Variants in CRISPLD2 observed in about 807,000 individuals in gnomAD.
CRISPLD2 encodes cysteine-rich secretory protein LCCL domain-containing 2.
In CRISPLD2, 47 loss-of-function variants were observed where a neutral mutation model predicts 71.1. The observed-to-expected ratio is 0.66, with a 90% CI of 0.52 to 0.84. The LOEUF is 0.84. Ranked by LOEUF, CRISPLD2 falls within the 40% of genes least tolerant of loss-of-function variation. The pLI is 0.00. For synonymous variants in CRISPLD2, 317 were observed against 250.1 expected (o/e 1.27, Z -2.52); for missense variants, 830 against 651.1 (o/e 1.27, Z -2.99).
intron 1 of CRISPLD2, among the ~76,000 whole-genome samples, chr16:84,832,283 C>G (rs552612528): frequency 6.6e-6 from 1 of 152,368 alleles, no homozygotes; most frequent in South Asian, 2.1e-4. Context: ...CACCCACAGA[C>G]GTGAACTCAA....
chr16:84,878,822 C>T (rs1286443023), intron 12 of CRISPLD2, among the ~76,000 whole-genome samples: 1 of 152,252 alleles, frequency 6.6e-6, no homozygotes, highest in East Asian at 1.9e-4. Flanking sequence ...TCATATAATA[C>T]ATCTGTAATG....
chr16:84,870,035 A>C (rs1204092646), intron 8 of CRISPLD2, among the ~76,000 whole-genome samples: 3 of 152,224 alleles, frequency 2.0e-5, no homozygotes, highest in Admixed American at 6.5e-5. Flanking sequence ...CCAGTGTGCC[A>C]CTGTGGGAGC....
intron 11 of CRISPLD2, among the ~76,000 whole-genome samples, chr16:84,876,174 A>G (rs1005702702): frequency 6.6e-6 from 1 of 152,196 alleles, no homozygotes; most frequent in African/African-American, 2.4e-5. Context: ...AAGGACCACA[A>G]AGCCAAACAT....
chr16:84,848,452 C>T (rs1206529952), intron 3 of CRISPLD2, among the ~76,000 whole-genome samples: 1 of 126,644 alleles, frequency 7.9e-6, no homozygotes, highest in African/African-American at 2.7e-5. Context: ...GGTTTTCTCC[C>T]TAGTTATTAA....
At chr16:84,885,366 G>T (rs1053034183) in intron 13 of CRISPLD2, among the ~76,000 whole-genome samples, 3 of 152,216 alleles carry the variant, frequency 2.0e-5, no homozygotes, top group Non-Finnish European at 2.9e-5. Context: ...TTAGTCTTTA[G>T]CAGGGCACAA....
At chr16:84,828,134 C>T (rs1007024570) in intron 1 of CRISPLD2, 10 of 152,208 alleles carry the variant, frequency 6.6e-5, no homozygotes, top group African/African-American at 1.2e-4. Flanking sequence ...AGCCAGCTCT[C>T]GACTCATCTT....
rs374304231 is a variant in CRISPLD2 at position 84,854,844 on chromosome 16, C to A, written c.709+15C>A. ...GTGTTACCGAGGTAGGAAATTTACT[C>A]CCAACACTTTTGCAATGAATTTGCC... On this transcript the variant is annotated intron_variant, in intron 6 of 14. Coordinates refer to ENST00000262424, the MANE Select transcript of CRISPLD2 (RefSeq NM_031476.4). The A allele has an allele frequency of 6.3e-7, 1 of 1,592,894 alleles. No homozygotes were observed. The highest frequency in any genetic ancestry group is 2.2e-5 in the East Asian group (1 of 44,784).
intron 6 of CRISPLD2, among the ~76,000 whole-genome samples, chr16:84,858,859 C>T (rs763080240): frequency 5.9e-5 from 9 of 152,166 alleles, no homozygotes; most frequent in African/African-American, 9.7e-5. Context: ...TTAATTTGCT[C>T]AAGCAATGAA....
rs116262903 is a variant in CRISPLD2, at chr16:84,859,429, G to A, written c.709+4600G>A. Among the ~76,000 whole-genome samples, 1,067 of 152,214 alleles carry A rather than the reference G, an allele frequency of 7.0e-3. 10 individuals are homozygous for A. The highest frequency in any genetic ancestry group is 0.025 in the African/African-American group (1,018 of 41,520). On this transcript the variant is annotated intron_variant, in intron 6 of 14. Transcript: ENST00000262424. The stretch of plus-strand genomic sequence containing the variant: ...GATCATTTCCCTTTCCCCAGTGCAC[G>A]GTTTCCCTGGTACAAGGCCAGAGGT...
At chr16:84,885,212 C>T (rs2071601850) in intron 13 of CRISPLD2, among the ~76,000 whole-genome samples, 1 of 152,220 alleles carries the variant, frequency 6.6e-6, no homozygotes. Context: ...AAGGCTTCCG[C>T]CTGCCGGAAA....
At chr16:84,876,305 C>T (rs1035242317) in intron 11 of CRISPLD2, among the ~76,000 whole-genome samples, 1 of 151,014 alleles carries the variant, frequency 6.6e-6, no homozygotes, top group Admixed American at 6.6e-5. Context: ...AGTTTGAGAC[C>T]AGCCTGGCCA....
chr16:84,888,046 A>T (rs1287090431), intron 13 of CRISPLD2, among the ~76,000 whole-genome samples: 1 of 152,244 alleles, frequency 6.6e-6, no homozygotes, highest in Non-Finnish European at 1.5e-5. Context: ...GTGGTGGCTT[A>T]AAGAAACCCA....
intron 1 of CRISPLD2, among the ~76,000 whole-genome samples, chr16:84,832,171 C>T (rs1477602635): frequency 1.3e-5 from 2 of 152,232 alleles, no homozygotes; most frequent in Non-Finnish European, 2.9e-5. Flanking sequence ...TTTTTGGAGG[C>T]TCTGGCACAG....
intron 14 of CRISPLD2, among the ~76,000 whole-genome samples, chr16:84,892,471 T>C (rs1033843089): frequency 2.0e-5 from 3 of 152,132 alleles, no homozygotes; most frequent in Admixed American, 2.0e-4. Flanking sequence ...TTTCTGTTTC[T>C]TAGGGTTTCT....
chr16:84,846,909 C>A (rs1022275933), intron 3 of CRISPLD2, among the ~76,000 whole-genome samples: 2 of 152,214 alleles, frequency 1.3e-5, no homozygotes, highest in Non-Finnish European at 2.9e-5. Flanking sequence ...TGTATCCGTG[C>A]TCCCAAAGAA....
chr16:84,885,712 G>T (rs1419497482), intron 13 of CRISPLD2, among the ~76,000 whole-genome samples: 1 of 152,028 alleles, frequency 6.6e-6, no homozygotes, highest in Non-Finnish European at 1.5e-5. Context: ...CACTTTTCAG[G>T]TCTTTGATAT....
chr16:84,872,870 G>A (rs2071483351), intron 9 of CRISPLD2, 122 bp from the exon 10 acceptor site: 1 of 1,259,302 alleles, frequency 7.9e-7, no homozygotes, highest in Non-Finnish European at 1.1e-6. Context: ...CAGGAGCAGA[G>A]TGAGCTTTGG....
At chr16:84,868,300 G>A (rs1010336628) in intron 7 of CRISPLD2, among the ~76,000 whole-genome samples, 10 of 152,204 alleles carry the variant, frequency 6.6e-5, no homozygotes, top group Non-Finnish European at 1.3e-4. Context: ...CAACGTTTAT[G>A]TCCCTTTTCA....
chr16:84,861,729 GC>G (rs1567691705), intron 6 of CRISPLD2, among the ~76,000 whole-genome samples: 1 of 152,190 alleles, frequency 6.6e-6, no homozygotes, highest in Non-Finnish European at 1.5e-5. Flanking sequence ...TTCTAGATCA[GC>G]CTGGACAACA....
Sources: allele counts gnomAD v4.1 joint callset (sites outside exome capture counted in the v4.1 genomes callset), GRCh38; gene constraint gnomAD v4.1.1; transcripts MANE v1.5; gene names NCBI Gene and HGNC (gene_info 2026-07-23, HGNC 2026-07-21).